Variants in AATK observed in about 807,000 individuals in gnomAD.
AATK encodes lemur tail kinase 1.
In AATK, 91 loss-of-function variants were observed where a neutral mutation model predicts 114.3. The observed-to-expected ratio is 0.80, with a 90% confidence interval of 0.67 to 0.95. The LOEUF (loss-of-function observed/expected upper bound fraction) is 0.95, where lower values mean the gene tolerates loss of function less well. Among genes scored for constraint, AATK ranks in the 40% least tolerant of loss-of-function variants. The pLI is 0.00. For missense variants in AATK, 2,176 were observed against 1,965.2 expected (o/e 1.11, Z -2.03); for synonymous variants, 1,075 against 916.5 (o/e 1.17, Z -3.12).
chr17:81,144,492 G>C (rs1230447161), intron 1 of AATK, among the ~76,000 whole-genome samples: 1 of 152,226 alleles, frequency 6.6e-6, no homozygotes, highest in African/African-American at 2.4e-5. Context: ...CCCCAGGCGG[G>C]GCCGCTGCAG....
Position 81,118,180 on chromosome 17 carries a change from A to G in AATK, c.*222T>C, listed in dbSNP as rs1421786516. ...CCCCAGGGGCTAGCAGCAAGCCTAA[A>G]AGCCCAGACGAATTCTGCCTCTGGG... On this transcript the variant is annotated 3_prime_UTR_variant, in exon 14 of 14. Transcript: ENST00000326724. 1.8e-6 allele frequency: 1 copy of G among 569,034 alleles called. No homozygotes were observed. The highest frequency in any genetic ancestry group is 3.1e-6 in the Non-Finnish European group (1 of 319,696). The allele number at this position is 569,034 out of a possible 1,614,324, so 35.2% of individuals were successfully genotyped here.
At chr17:81,147,707 G>T (rs144610883) in intron 1 of AATK, among the ~76,000 whole-genome samples, 284 of 151,800 alleles carry the variant, frequency 1.9e-3, no homozygotes, top group South Asian at 3.3e-3. Flanking sequence ...GTGAGCTGAG[G>T]TCATGCCACT....
intron 1 of AATK, among the ~76,000 whole-genome samples, chr17:81,136,515 AG>A (rs2061012089): frequency 6.6e-6 from 1 of 151,616 alleles, no homozygotes; most frequent in Non-Finnish European, 1.5e-5. Context: ...ACCCCACCTC[AG>A]CTACCCTGGG....
rs1197747112 is a variant in AATK, at chr17:81,118,553, C to T, written c.4085-111G>A. 4 of 1,125,726 alleles carry T rather than the reference C, an allele frequency of 3.6e-6. No individual in the cohort carries two copies. In the East Asian group the frequency reaches 1.0e-4, roughly 29 times the overall value. 69.7% of individuals were successfully genotyped at this position (1,125,726 alleles called of 1,614,324 possible). ...GGCCCACATACAGGCCGGGCCCCTT[C>T]CCTGCAGCAGATCTGGCTGTGTCTA... is the stretch of plus-strand genomic sequence containing the variant. On this transcript the variant is annotated intron_variant, in intron 13 of 13. Transcript: ENST00000326724.
chr17:81,119,265 G>T lies in AATK; in HGVS notation c.4084+115C>A, dbSNP rs1233156283. The T allele has an allele frequency of 5.0e-5, 57 of 1,141,924 alleles. 1 individual carries two copies. The highest frequency in any genetic ancestry group is 6.5e-5 in the Non-Finnish European group (55 of 851,882). The allele number at this position is 1,141,924 out of a possible 1,614,324, so 70.7% of individuals were successfully genotyped here. ...AGGAGCGGGGCCGGGAAGGAGCGGA[G>T]CGGAGCGGAGCCGGGGCTGGCCCGG... is the stretch of plus-strand genomic sequence containing the variant. On this transcript the variant is annotated intron_variant, in intron 13 of 13. Coordinates refer to ENST00000326724, the MANE Select transcript of AATK (RefSeq NM_001080395.3).
intron 1 of AATK, among the ~76,000 whole-genome samples, chr17:81,140,721 GGCTGTGA>G (rs1259060284): frequency 0.034 from 4,464 of 129,796 alleles, 962 homozygotes; most frequent in South Asian, 0.053. Flanking sequence ...GAGACCGTGG[GGCTGTGA>G]GCCGTGGGGC....
At chr17:81,154,755 A>G (rs1011237561) in intron 1 of AATK, among the ~76,000 whole-genome samples, 5 of 142,770 alleles carry the variant, frequency 3.5e-5, no homozygotes, top group South Asian at 4.5e-4. Flanking sequence ...TCAGCCTCCC[A>G]AGTAGCTGGG....
At chr17:81,165,741 G>C in intron 1 of AATK, 197 bp downstream of exon 1, 1 of 1,525,582 alleles carries the variant, frequency 6.6e-7, no homozygotes, top group Non-Finnish European at 8.8e-7. Flanking sequence ...CCCACAGGCG[G>C]AGGCCGGTTT....
At chr17:81,124,907 C>A in intron 8 of AATK, 23 bp downstream of exon 8, 1 of 1,092,320 alleles carries the variant, frequency 9.2e-7, no homozygotes, top group South Asian at 1.3e-5. Context: ...CATGCCCAGC[C>A]CAGCCCACCC....
chr17:81,128,142 C>CCCT (rs1477017822), intron 4 of AATK, among the ~76,000 whole-genome samples: 1 of 120,854 alleles, frequency 8.3e-6, no homozygotes. Flanking sequence ...TCCCCCGCTG[C>CCCT]CCTCTCTCTC....
intron 1 of AATK, among the ~76,000 whole-genome samples, chr17:81,159,290 G>A (rs1022479716): frequency 6.6e-6 from 1 of 152,206 alleles, no homozygotes; most frequent in Non-Finnish European, 1.5e-5. Flanking sequence ...ATCATTCACA[G>A]AGAGCGAGCG....
At chr17:81,144,415 T>C (rs991601357) in intron 1 of AATK, among the ~76,000 whole-genome samples, 1 of 152,050 alleles carries the variant, frequency 6.6e-6, no homozygotes, top group Non-Finnish European at 1.5e-5. Flanking sequence ...GGGGAGAGGG[T>C]GGCCACATCA....
At chr17:81,137,459 GGCCACCCTGGCACCCACA>G (rs2061028918) in intron 1 of AATK, among the ~76,000 whole-genome samples, 1 of 151,912 alleles carries the variant, frequency 6.6e-6, no homozygotes, top group Non-Finnish European at 1.5e-5. Flanking sequence ...ACCTGCTCTC[GGCCACCCTGGCACCCACA>G]GCCGAGTGCA....
At chr17:81,164,457 G>A (rs922498281) in intron 1 of AATK, among the ~76,000 whole-genome samples, 5 of 152,214 alleles carry the variant, frequency 3.3e-5, no homozygotes, top group East Asian at 3.9e-4. Context: ...GAGGAGAGAC[G>A]CCCCTTGCCT....
At chr17:81,131,623 G>A (rs890633368) in intron 2 of AATK, among the ~76,000 whole-genome samples, 10 of 152,154 alleles carry the variant, frequency 6.6e-5, no homozygotes, top group Non-Finnish European at 1.2e-4. Flanking sequence ...GGAACCAAGG[G>A]ACAGAGGTGA....
In AATK at chr17:81,127,851, C is replaced by T. The variant is rs1446871695; in HGVS notation, c.474G>A (p.Leu158=). ...ISSAQVVVKE[L]QASASVQEQM... Reference sequence around the variant, plus strand: ...GCTCCTGCACGCTGGCACTAGCCTGCAGCTCCTTCACCACCACCTGGGCAC... The same window carrying T: ...GCTCCTGCACGCTGGCACTAGCCTGTAGCTCCTTCACCACCACCTGGGCAC... Residue 158 remains leucine, a synonymous_variant, in exon 5 of 14, where the codon CTG becomes CTA. Transcript: ENST00000326724. 3.2e-6 allele frequency: 5 copies of T among 1,548,656 alleles called. No homozygotes were observed. The highest frequency in any genetic ancestry group is 2.4e-5 in the South Asian group (2 of 83,980).
At position 81,131,173 on chromosome 17, in the gene AATK, T is replaced by C. The variant is rs1472531083; in HGVS notation, c.222A>G (p.Ala74=). The C allele has an allele frequency of 1.9e-6, 3 of 1,580,716 alleles. No individual in the cohort carries two copies. In the African/African-American group the frequency reaches 4.0e-5, roughly 21 times the overall value. ...EFENAEGDEY[A]ADLAQGSPAT... ...CCGGGGAGCCCTGCGCCAGGTCGGCTGCGTACTCGTCCCCCTCCGCATTCT... is the reference window on the plus strand; with the variant it reads ...CCGGGGAGCCCTGCGCCAGGTCGGCCGCGTACTCGTCCCCCTCCGCATTCT... Residue 74 remains alanine, a synonymous_variant, in exon 3 of 14, where the codon GCA becomes GCG. Transcript: ENST00000326724.
At position 81,119,470 on chromosome 17, in the gene AATK, C is replaced by CGTGGGCGTGGGCGT; in HGVS notation, c.3993_3994insACGCCCACGCCCAC (p.Ala1332ThrfsTer103). The CGTGGGCGTGGGCGT allele has an allele frequency of 6.6e-7, 1 of 1,505,690 alleles. No individual in the cohort carries two copies. The highest frequency in any genetic ancestry group is 8.8e-7 in the Non-Finnish European group (1 of 1,131,116). The allele number at this position is 1,505,690 out of a possible 1,614,324, so 93.3% of individuals were successfully genotyped here. A position where few individuals can be genotyped will look rare whatever the true frequency, so the allele number is the denominator to read the frequency against. On this transcript the variant is annotated frameshift_variant, in exon 13 of 14. Transcript: ENST00000326724. LOFTEE classifies it high-confidence loss of function. Reference sequence around the variant, plus strand: ...GACACCGTGAAGCGCGAGAAGGGAGCGGGCGTGGGCGTGGGCGCAGCCGGG... The same window carrying CGTGGGCGTGGGCGT: ...GACACCGTGAAGCGCGAGAAGGGAGCGTGGGCGTGGGCGTGGGCGTGGGCGTGGGCGCAGCCGGG...
At chr17:81,138,589 C>A (rs533692015) in intron 1 of AATK, among the ~76,000 whole-genome samples, 1 of 149,752 alleles carries the variant, frequency 6.7e-6, no homozygotes, top group Admixed American at 6.6e-5. Flanking sequence ...TACCCACACA[C>A]GTGCACACCC....
Sources: allele counts gnomAD v4.1 joint callset (sites outside exome capture counted in the v4.1 genomes callset), GRCh38; gene constraint gnomAD v4.1.1; transcripts MANE v1.5; gene names NCBI Gene and HGNC (gene_info 2026-07-23, HGNC 2026-07-21).